Variants in PACRG observed in about 807,000 individuals in gnomAD.
PACRG encodes the protein parkin coregulated, also known as parkin coregulated gene protein.
PACRG carries 29 observed loss-of-function variants against 29.7 expected under a neutral mutation model. The ratio of observed to expected loss-of-function variants is 0.98; its 90% confidence interval spans 0.73 to 1.33. PACRG has a LOEUF of 1.33. PACRG is among the 40% of genes most tolerant of loss of function. The pLI is 0.00. For synonymous variants in PACRG, 116 were observed against 118.7 expected, an observed-to-expected ratio of 0.98 and a Z score of 0.15; for missense variants, 279 against 316.2, an observed-to-expected ratio of 0.88 and a Z score of 0.89.
chr6:162,912,291 G>T (rs1195724554), intron 2 of PACRG, among the ~76,000 whole-genome samples: 1 of 152,100 alleles, frequency 6.6e-6, no homozygotes. Context: ...GTGCTGTAAG[G>T]CACTTTTTTT....
intron 4 of PACRG, among the ~76,000 whole-genome samples, chr6:163,289,368 C>T (rs770485569): frequency 3.9e-5 from 6 of 152,136 alleles, no homozygotes; most frequent in Non-Finnish European, 8.8e-5. Context: ...AATCAATTCA[C>T]TTAGGGACAT....
At chr6:163,270,412 C>T (rs758069290) in intron 4 of PACRG, among the ~76,000 whole-genome samples, 4 of 151,978 alleles carry the variant, frequency 2.6e-5, no homozygotes, top group African/African-American at 4.8e-5. Flanking sequence ...CATTTGGTTG[C>T]CAAGCTGGAG....
At chr6:163,121,337 C>T (rs930418764) in intron 4 of PACRG, among the ~76,000 whole-genome samples, 1 of 152,120 alleles carries the variant, frequency 6.6e-6, no homozygotes, top group African/African-American at 2.4e-5. Context: ...CTATGGAGTA[C>T]CCTTATCTTT....
At chr6:162,945,592 A>G (rs1798944656) in intron 2 of PACRG, among the ~76,000 whole-genome samples, 6 of 152,092 alleles carry the variant, frequency 3.9e-5, no homozygotes, top group Admixed American at 3.3e-4. Flanking sequence ...GACAAATTGT[A>G]TAGACAGAAA....
chr6:162,942,074 A>T (rs926288650), intron 2 of PACRG, among the ~76,000 whole-genome samples: 14 of 152,212 alleles, frequency 9.2e-5, no homozygotes, highest in African/African-American at 3.4e-4. Context: ...CCTTTGCAGA[A>T]CCAAAATTGA....
rs74612219 is a variant in PACRG at position 163,176,920 on chromosome 6, G to A, written c.613+87512G>A. On this transcript the variant is annotated intron_variant, in intron 4 of 4. Coordinates refer to ENST00000366888, the MANE Select transcript of PACRG (RefSeq NM_001080379.2). The stretch of plus-strand genomic sequence containing the variant: ...CAGGAATCTGGGACAGTCAGCTGTC[G>A]TTGAATACTGACAAATAGGCAAGTG... Among the ~76,000 whole-genome samples the A allele has an allele frequency of 6.3e-3, 953 of 152,294 alleles. 7 individuals carry two copies. The highest frequency in any genetic ancestry group is 0.014 in the African/African-American group (584 of 41,548).
intron 4 of PACRG, among the ~76,000 whole-genome samples, chr6:163,273,212 G>A (rs1316257080): frequency 2.0e-5 from 3 of 152,268 alleles, no homozygotes; most frequent in South Asian, 2.1e-4. Context: ...CTTTTGATAT[G>A]TGGCTGGATT....
At chr6:163,060,505 A>G (rs939325715) in intron 2 of PACRG, among the ~76,000 whole-genome samples, 2 of 152,238 alleles carry the variant, frequency 1.3e-5, no homozygotes, top group Non-Finnish European at 2.9e-5. Flanking sequence ...TTATAAATAT[A>G]AAAGGAAAGT....
intron 4 of PACRG, chr6:163,165,537 C>A (rs4709679): frequency 0.23 from 35,722 of 155,306 alleles, 4,268 homozygotes; most frequent in East Asian, 0.43. Flanking sequence ...CAAAGCCCCA[C>A]CCCTGTGGAG....
chr6:163,287,421 C>A (rs1784439526), intron 4 of PACRG, among the ~76,000 whole-genome samples: 1 of 152,226 alleles, frequency 6.6e-6, no homozygotes, highest in African/African-American at 2.4e-5. Context: ...GCAGCCTTCG[C>A]CGCCACGTTT....
chr6:162,788,514 T>C lies in PACRG; in HGVS notation c.157-25633T>C, dbSNP rs1036156618. On this transcript the variant is annotated intron_variant, in intron 1 of 4. Transcript: ENST00000366888. ...ATGTGGACATAAGTTTTTAATTCAT[T>C]TGGGCAAATTCCAAGGAGTGTGATT... 5.9e-5 allele frequency among the ~76,000 whole-genome samples: 9 copies of C among 152,228 alleles called. 1 individual carries two copies. The highest frequency in any genetic ancestry group is 2.2e-4 in the African/African-American group (9 of 41,472).
intron 4 of PACRG, chr6:163,312,814 G>A (rs559911516): frequency 5.3e-5 from 23 of 432,058 alleles, no homozygotes; most frequent in Admixed American, 3.8e-4. Flanking sequence ...GTGCAGTGGC[G>A]CGATCATGGC....
Position 162,947,484 on chromosome 6 carries a change from CATATATATACTCATATATATATAATCT to C in PACRG, c.292-114656_292-114630del, listed in dbSNP as rs1393855381. On this transcript the variant is annotated intron_variant, in intron 2 of 4. Coordinates refer to ENST00000366888, the MANE Select transcript of PACRG (RefSeq NM_001080379.2). Reference sequence around the variant, plus strand: ...TAATCATATATAATATATATATAATCATATATATACTCATATATATATAATCTATATATATAATCATATATATACTCA... The same window carrying C: ...TAATCATATATAATATATATATAATCATATATATAATCATATATATACTCA... Among the ~76,000 whole-genome samples the C allele has an allele frequency of 5.3e-5, 6 of 112,982 alleles. No homozygotes were observed. In the East Asian group the frequency reaches 1.2e-3, roughly 22 times the overall value. The allele number at this position is 112,982 out of a possible 152,430, so 74.1% of individuals were successfully genotyped here.
At chr6:162,763,640 G>A (rs1052400756) in intron 1 of PACRG, among the ~76,000 whole-genome samples, 20 of 152,058 alleles carry the variant, frequency 1.3e-4, no homozygotes, top group African/African-American at 4.6e-4. Flanking sequence ...ATTAACTATC[G>A]ACTGTCTTTG....
At chr6:162,976,377 C>T (rs1340404116) in intron 2 of PACRG, among the ~76,000 whole-genome samples, 1 of 152,104 alleles carries the variant, frequency 6.6e-6, no homozygotes, top group African/African-American at 2.4e-5. Context: ...GTGACCCTAT[C>T]ATGGATGGAA....
intron 1 of PACRG, among the ~76,000 whole-genome samples, chr6:162,751,614 G>GAT (rs1220680182): frequency 6.6e-6 from 1 of 152,046 alleles, no homozygotes; most frequent in African/African-American, 2.4e-5. Context: ...TCAGATGAGG[G>GAT]ATATAGGCTA....
intron 4 of PACRG, among the ~76,000 whole-genome samples, chr6:163,159,488 G>A (rs1339548289): frequency 6.6e-6 from 1 of 151,954 alleles, no homozygotes; most frequent in Non-Finnish European, 1.5e-5. Context: ...AACTGATGCT[G>A]AATCTCTAGT....
chr6:163,078,374 G>C (rs578100100), intron 3 of PACRG, among the ~76,000 whole-genome samples: 1 of 151,962 alleles, frequency 6.6e-6, no homozygotes, highest in Non-Finnish European at 1.5e-5. Flanking sequence ...ATGGTGGCGG[G>C]TGCCTGTAAT....
At chr6:163,077,076 C>G (rs970837154) in intron 3 of PACRG, among the ~76,000 whole-genome samples, 8 of 152,158 alleles carry the variant, frequency 5.3e-5, no homozygotes, top group African/African-American at 1.9e-4. Flanking sequence ...GCCATTTGGG[C>G]CTGCCACTGT....
Sources: allele counts gnomAD v4.1 joint callset (sites outside exome capture counted in the v4.1 genomes callset), GRCh38; gene constraint gnomAD v4.1.1; transcripts MANE v1.5; gene names NCBI Gene and HGNC (gene_info 2026-07-23, HGNC 2026-07-21).